EDNRB: variants seen among roughly 807,000 people sequenced by gnomAD.
EDNRB encodes the protein endothelin receptor type B, also known as Hirschsprung disease 2.
A neutral mutation model predicts 46.4 loss-of-function variants in EDNRB; 18 were observed. The observed-to-expected ratio is 0.39, with a 90% CI of 0.27 to 0.57. The LOEUF is 0.57. EDNRB is among the 20% of genes least tolerant of loss of function. EDNRB has a pLI of 0.61. For missense variants in EDNRB, 434 were observed against 537.5 expected (o/e 0.81, Z 1.90); for synonymous variants, 213 against 204.9 (o/e 1.04, Z -0.34).
At chr13:77,960,601 C>T (rs1323243184) in intron 1 of EDNRB, among the ~76,000 whole-genome samples, 2 of 152,108 alleles carry the variant, frequency 1.3e-5, no homozygotes, top group Admixed American at 6.6e-5. Context: ...TTGTAAAGAC[C>T]ATCGATGCTA....
intron 1 of EDNRB, among the ~76,000 whole-genome samples, chr13:77,928,110 G>A (rs1271521719): frequency 1.3e-5 from 2 of 152,150 alleles, no homozygotes; most frequent in Admixed American, 6.5e-5. Context: ...TCTCACATAT[G>A]TCTTTATTAG....
At chr13:77,952,151 T>G (rs1403418498) in intron 1 of EDNRB, among the ~76,000 whole-genome samples, 1 of 151,936 alleles carries the variant, frequency 6.6e-6, no homozygotes, top group Non-Finnish European at 1.5e-5. Flanking sequence ...GCAAGTTTAT[T>G]AAGAAAGTAA....
At position 77,898,089 on chromosome 13, in the gene EDNRB, G is replaced by C; in HGVS notation, c.*111C>G. The C allele has an allele frequency of 6.6e-7, 1 of 1,517,402 alleles. No homozygotes were observed. The highest frequency in any genetic ancestry group is 8.8e-7 in the Non-Finnish European group (1 of 1,134,956). The allele number at this position is 1,517,402 out of a possible 1,614,324, so 94.0% of individuals were successfully genotyped here. ...AATAATTACACTTAATATTTTAATA[G>C]TGTGCTGTGCAAATACATAGTTTTT... On this transcript the variant is annotated 3_prime_UTR_variant, in exon 7 of 7. Transcript: ENST00000646607.
At chr13:77,973,174 T>A (rs1220642308) in intron 1 of EDNRB, among the ~76,000 whole-genome samples, 2 of 152,216 alleles carry the variant, frequency 1.3e-5, no homozygotes, top group Non-Finnish European at 2.9e-5. Flanking sequence ...AGTGCCTTGT[T>A]ACTGAGAAAT....
chr13:77,960,567 C>T (rs1005079316), intron 1 of EDNRB, among the ~76,000 whole-genome samples: 1 of 152,134 alleles, frequency 6.6e-6, no homozygotes, highest in Non-Finnish European at 1.5e-5. Flanking sequence ...CAGCCAGCAC[C>T]AGCCACTGCA....
chr13:77,932,402 A>G (rs1043490610), intron 1 of EDNRB, among the ~76,000 whole-genome samples: 2 of 152,236 alleles, frequency 1.3e-5, no homozygotes, highest in Admixed American at 1.3e-4. Flanking sequence ...ATAATGGTAG[A>G]AGTGGCTTCC....
upstream of EDNRB, chr13:77,919,642 GA>G: frequency 6.4e-7 from 1 of 1,569,938 alleles, no homozygotes; most frequent in Non-Finnish European, 8.7e-7. Flanking sequence ...ATCACCGCCA[GA>G]CTCCTCCCGC....
At chr13:77,938,650 A>G (rs190085355) in intron 1 of EDNRB, among the ~76,000 whole-genome samples, 2,207 of 152,270 alleles carry the variant, frequency 0.014, 45 homozygotes, top group East Asian at 0.024. Context: ...TCCCAAGTCC[A>G]TGACCAGCGC....
At chr13:77,975,377 A>G (rs954298984) in exon 1 of EDNRB, 1 of 152,358 alleles carries the variant, frequency 6.6e-6, no homozygotes, top group Admixed American at 6.5e-5. Flanking sequence ...TCCAAGTACC[A>G]GTTCCTTCCC....
upstream of EDNRB, among the ~76,000 whole-genome samples, chr13:77,922,467 C>G (rs1251473808): frequency 6.6e-6 from 1 of 152,076 alleles, no homozygotes; most frequent in Non-Finnish European, 1.5e-5. Context: ...AATGAATGTG[C>G]CCTCAAAACC....
chr13:77,898,087 T>C lies in EDNRB; in HGVS notation c.*113A>G. 1 of 1,515,082 alleles carries C rather than the reference T, an allele frequency of 6.6e-7. No homozygotes were observed. The highest frequency in any genetic ancestry group is 8.8e-7 in the Non-Finnish European group (1 of 1,133,994). 93.9% of individuals were successfully genotyped at this position (1,515,082 alleles called of 1,614,324 possible). A position where few individuals can be genotyped will look rare whatever the true frequency, so the allele number is the denominator to read the frequency against. Reference sequence around the variant, plus strand: ...AAAATAATTACACTTAATATTTTAATAGTGTGCTGTGCAAATACATAGTTT... The same window carrying C: ...AAAATAATTACACTTAATATTTTAACAGTGTGCTGTGCAAATACATAGTTT... On this transcript the variant is annotated 3_prime_UTR_variant, in exon 7 of 7. Coordinates refer to ENST00000646607, the MANE Select transcript of EDNRB (RefSeq NM_001122659.3).
intron 1 of EDNRB, among the ~76,000 whole-genome samples, chr13:77,935,355 A>G (rs1237616208): frequency 3.9e-5 from 6 of 152,206 alleles, no homozygotes; most frequent in Non-Finnish European, 2.9e-5. Context: ...CAGATGAGTC[A>G]GGGAGAGCTA....
chr13:77,969,726 A>T (rs1234173034), intron 1 of EDNRB, among the ~76,000 whole-genome samples: 1 of 152,152 alleles, frequency 6.6e-6, no homozygotes, highest in Non-Finnish European at 1.5e-5. Context: ...TGTGCTTATG[A>T]CTGGGAACAG....
chr13:77,915,435 A>G (rs186205322), intron 1 of EDNRB, among the ~76,000 whole-genome samples: 33 of 152,342 alleles, frequency 2.2e-4, no homozygotes, highest in African/African-American at 7.9e-4. Flanking sequence ...GGAGATGACC[A>G]TGCAGTGCCT....
intron 1 of EDNRB, among the ~76,000 whole-genome samples, chr13:77,973,242 A>G (rs1018589283): frequency 3.3e-5 from 5 of 152,194 alleles, no homozygotes; most frequent in African/African-American, 7.2e-5. Context: ...ATACCATTAC[A>G]TTTAACAATG....
At chr13:77,956,092 C>T (rs1017529093) in intron 1 of EDNRB, among the ~76,000 whole-genome samples, 14 of 152,154 alleles carry the variant, frequency 9.2e-5, no homozygotes, top group Middle Eastern at 3.4e-3. Context: ...GAGATTGGAT[C>T]GAATCTGAAG....
chr13:77,935,433 T>C (rs1219016821), intron 1 of EDNRB, among the ~76,000 whole-genome samples: 1 of 152,192 alleles, frequency 6.6e-6, no homozygotes, highest in Non-Finnish European at 1.5e-5. Flanking sequence ...TTAGGATCTA[T>C]GGGGTCAGCT....
At chr13:77,967,875 C>A (rs1400415069) in intron 1 of EDNRB, among the ~76,000 whole-genome samples, 12 of 152,154 alleles carry the variant, frequency 7.9e-5, no homozygotes, top group Admixed American at 7.9e-4. Flanking sequence ...TGCCTTAAGG[C>A]ATCCTGCATC....
intron 1 of EDNRB, among the ~76,000 whole-genome samples, chr13:77,934,109 G>A (rs1206587644): frequency 2.0e-5 from 3 of 152,144 alleles, no homozygotes; most frequent in East Asian, 1.9e-4. Context: ...GAGAAGCAGC[G>A]TAAACCATCA....
Sources: gnomAD v4.1 joint callset for allele counts (sites outside exome capture counted in the v4.1 genomes callset) on GRCh38, gnomAD v4.1.1 for gene constraint, MANE v1.5 for transcripts, NCBI Gene and HGNC (gene_info 2026-07-23, HGNC 2026-07-21) for gene names.